The following PDE1A variants were observed in gnomAD, a reference collection of about 807,000 sequenced individuals.
PDE1A encodes dual specificity calcium/calmodulin-dependent 3',5'-cyclic nucleotide phosphodiesterase 1A.
PDE1A carries 35 observed loss-of-function variants against 61.7 expected under a neutral mutation model. The observed-to-expected ratio is 0.57, with a 90% confidence interval of 0.43 to 0.75. The LOEUF (loss-of-function observed/expected upper bound fraction) is 0.75, where lower values mean the gene tolerates loss of function less well. Among genes scored for constraint, PDE1A ranks in the 30% least tolerant of loss-of-function variants. The pLI is 0.00. For synonymous variants in PDE1A, 232 were observed against 213.2 expected (o/e 1.09, Z -0.77); for missense variants, 597 against 630.6 (o/e 0.95, Z 0.57).
chr2:182,211,672 A>C (rs981674896), intron 7 of PDE1A, among the ~76,000 whole-genome samples: 1 of 152,122 alleles, frequency 6.6e-6, no homozygotes, highest in African/African-American at 2.4e-5. Context: ...TGTATTACTT[A>C]TTTCATCAAA....
chr2:182,206,739 T>C (rs1687136475), intron 7 of PDE1A, among the ~76,000 whole-genome samples: 1 of 152,142 alleles, frequency 6.6e-6, no homozygotes, highest in Non-Finnish European at 1.5e-5. Context: ...AGGGACCTGG[T>C]GGGAGGTGAT....
intron 1 of PDE1A, among the ~76,000 whole-genome samples, chr2:182,357,393 G>A (rs1051095762): frequency 1.3e-5 from 2 of 152,094 alleles, no homozygotes; most frequent in Non-Finnish European, 2.9e-5. Flanking sequence ...AACCATCTCT[G>A]AAATCAGTTC....
At chr2:182,356,283 A>G (rs1699173737) in intron 1 of PDE1A, among the ~76,000 whole-genome samples, 1 of 152,146 alleles carries the variant, frequency 6.6e-6, no homozygotes, top group African/African-American at 2.4e-5. Context: ...ATAGTTTAGT[A>G]GCACAAGTCT....
At chr2:182,461,978 G>C (rs1294052501) in intron 2 of PDE1A, among the ~76,000 whole-genome samples, 5 of 152,126 alleles carry the variant, frequency 3.3e-5, no homozygotes, top group Admixed American at 3.3e-4. Flanking sequence ...ATGCTTATCT[G>C]TTAATCCAGC....
At chr2:182,545,589 A>C in the PDE1A span, among the ~76,000 whole-genome samples, 1 of 152,194 alleles carries the variant, frequency 6.6e-6, no homozygotes, top group East Asian at 1.9e-4. Context: ...CTAAGTAGCT[A>C]GAAAGTTCCG....
At chr2:182,599,152 G>GC in the PDE1A span, among the ~76,000 whole-genome samples, 130 of 152,162 alleles carry the variant, frequency 8.5e-4, no homozygotes, top group African/African-American at 2.9e-3. Context: ...GCCCAGGAAG[G>GC]CCCCCCCTAC....
At chr2:182,485,036 A>G (rs1687929951) in intron 2 of PDE1A, among the ~76,000 whole-genome samples, 1 of 152,068 alleles carries the variant, frequency 6.6e-6, no homozygotes, top group Admixed American at 6.6e-5. Flanking sequence ...GAGGAATATA[A>G]ATCATTCTAC....
At chr2:182,654,021 C>T in the PDE1A span, among the ~76,000 whole-genome samples, 1 of 152,152 alleles carries the variant, frequency 6.6e-6, no homozygotes, top group African/African-American at 2.4e-5. Flanking sequence ...AGAGTCCCCA[C>T]AGACTATATT....
At chr2:182,189,563 T>C (rs1428702369) in intron 10 of PDE1A, among the ~76,000 whole-genome samples, 1 of 152,224 alleles carries the variant, frequency 6.6e-6, no homozygotes, top group Non-Finnish European at 1.5e-5. Flanking sequence ...CAACATATAA[T>C]GAGGAATTTC....
At chr2:182,502,973 G>C (rs1305751848) in intron 2 of PDE1A, among the ~76,000 whole-genome samples, 1 of 151,312 alleles carries the variant, frequency 6.6e-6, no homozygotes, top group Non-Finnish European at 1.5e-5. Context: ...TTCAGGTAAG[G>C]AACTGTAGAC....
chr2:182,507,827 T>A (rs553302211), intron 2 of PDE1A, among the ~76,000 whole-genome samples: 18 of 152,240 alleles, frequency 1.2e-4, no homozygotes, highest in Admixed American at 5.2e-4. Context: ...GTACTGGAAA[T>A]TTTTCAAGTT....
At chr2:182,528,960 C>T in the PDE1A span, among the ~76,000 whole-genome samples, 2 of 152,186 alleles carry the variant, frequency 1.3e-5, no homozygotes, top group Non-Finnish European at 2.9e-5. Flanking sequence ...AAGTTTGCTG[C>T]TGGGGTGGGG....
intron 1 of PDE1A, among the ~76,000 whole-genome samples, chr2:182,299,112 G>A (rs62190526): frequency 0.014 from 2,106 of 151,954 alleles, 19 homozygotes; most frequent in Admixed American, 0.026. Flanking sequence ...GAAATACCAG[G>A]GTCTCTGTAC....
the PDE1A span, among the ~76,000 whole-genome samples, chr2:182,561,651 T>G: frequency 6.6e-6 from 1 of 152,190 alleles, no homozygotes; most frequent in Non-Finnish European, 1.5e-5. Context: ...TTGGGCAGTA[T>G]GGCCATTTTC....
intron 2 of PDE1A, among the ~76,000 whole-genome samples, chr2:182,499,523 C>G (rs1688960124): frequency 6.6e-6 from 1 of 152,106 alleles, no homozygotes; most frequent in Non-Finnish European, 1.5e-5. Context: ...TGCACCCGGA[C>G]TAAGGTTATT....
the PDE1A span, among the ~76,000 whole-genome samples, chr2:182,548,551 G>T: frequency 3.9e-5 from 6 of 152,230 alleles, no homozygotes; most frequent in East Asian, 1.2e-3. Context: ...ACAGACCAAG[G>T]AGACAGATGC....
downstream of PDE1A, among the ~76,000 whole-genome samples, chr2:182,146,716 C>T (rs1214991212): frequency 1.3e-5 from 2 of 152,042 alleles, no homozygotes; most frequent in African/African-American, 4.8e-5. Context: ...AAACTCCTGA[C>T]CTTGTGATTT....
the PDE1A span, among the ~76,000 whole-genome samples, chr2:182,619,328 C>T: frequency 6.6e-6 from 1 of 151,910 alleles, no homozygotes; most frequent in South Asian, 2.1e-4. Flanking sequence ...CCTGAGAACA[C>T]CCAGAAAAAC....
chr2:182,411,054 ACACATC>A (rs1702581788), intron 1 of PDE1A, among the ~76,000 whole-genome samples: 1 of 152,234 alleles, frequency 6.6e-6, no homozygotes, highest in African/African-American at 2.4e-5. Context: ...CATAAATGAA[ACACATC>A]CATGTAAGTA....
Sources: gnomAD v4.1 joint callset for allele counts (sites outside exome capture counted in the v4.1 genomes callset) on GRCh38, gnomAD v4.1.1 for gene constraint, MANE v1.5 for transcripts, NCBI Gene and HGNC (gene_info 2026-07-23, HGNC 2026-07-21) for gene names.